SYNE1: variants seen among roughly 807,000 people sequenced by gnomAD.
The protein encoded by SYNE1 is nesprin-1.
Under a neutral mutation model 1,111.0 loss-of-function variants are expected in SYNE1, and 616 were observed. The observed-to-expected ratio is 0.55, with a 90% CI of 0.52 to 0.59. SYNE1 has a LOEUF of 0.59. Among genes scored for constraint, SYNE1 ranks in the 20% least tolerant of loss-of-function variants. The probability of loss-of-function intolerance (pLI) is 0.00; values close to 1 mark genes in which losing one functional copy is unlikely to be tolerated. For missense variants in SYNE1, 10,006 were observed against 10,417.0 expected, an observed-to-expected ratio of 0.96 and a Z score of 1.72; for synonymous variants, 3,855 against 3,825.8, an observed-to-expected ratio of 1.01 and a Z score of -0.28.
chr6:152,289,969 T>A (rs2094521751), intron 95 of SYNE1, among the ~76,000 whole-genome samples: 1 of 148,846 alleles, frequency 6.7e-6, no homozygotes, highest in Non-Finnish European at 1.5e-5. Flanking sequence ...CTGGTATTCC[T>A]GGGCAGTCTC....
intron 34 of SYNE1, among the ~76,000 whole-genome samples, chr6:152,433,228 C>T (rs987983492): frequency 3.3e-5 from 5 of 152,084 alleles, no homozygotes; most frequent in African/African-American, 1.2e-4. Flanking sequence ...AATGAAGTGG[C>T]CAATGATAGT....
intron 127 of SYNE1, among the ~76,000 whole-genome samples, chr6:152,195,887 C>A (rs1198799288): frequency 6.6e-6 from 1 of 152,202 alleles, no homozygotes; most frequent in Non-Finnish European, 1.5e-5. Flanking sequence ...ATGAGCTCCC[C>A]CTGGCCCCAG....
At chr6:152,533,743 T>G (rs2099217612) in intron 4 of SYNE1, among the ~76,000 whole-genome samples, 1 of 152,208 alleles carries the variant, frequency 6.6e-6, no homozygotes, top group South Asian at 2.1e-4. Flanking sequence ...GATATAAGCT[T>G]CATAATGAGA....
intron 11 of SYNE1, among the ~76,000 whole-genome samples, chr6:152,489,686 T>C (rs1455720098): frequency 1.3e-5 from 2 of 152,146 alleles, no homozygotes; most frequent in Admixed American, 6.5e-5. Context: ...ACATTTTCCC[T>C]TGGATAATGC....
chr6:152,340,142 G>C (rs61320348), intron 74 of SYNE1, among the ~76,000 whole-genome samples: 1,557 of 152,282 alleles, frequency 0.01, 26 homozygotes, highest in African/African-American at 0.033. Flanking sequence ...GCCACTTCAG[G>C]GACAGTGTAT....
chr6:152,159,069 A>G (rs1412182694), intron 131 of SYNE1, among the ~76,000 whole-genome samples: 1 of 152,200 alleles, frequency 6.6e-6, no homozygotes, highest in East Asian at 1.9e-4. Flanking sequence ...CTCCTGCCTC[A>G]GCCTCCTGAG....
chr6:152,600,317 CT>C (rs1054676356), intron 3 of SYNE1, among the ~76,000 whole-genome samples: 1 of 152,172 alleles, frequency 6.6e-6, no homozygotes, highest in Non-Finnish European at 1.5e-5. Context: ...CTTTTAGACA[CT>C]GGGGTATAAA....
chr6:152,419,546 T>TAA (rs34651734), intron 40 of SYNE1, 23 bp downstream of exon 40: 11,126 of 1,334,032 alleles, frequency 8.3e-3, no homozygotes, highest in East Asian at 0.023. Context: ...TCTTCAATCT[T>TAA]AAAAAAAAAA....
At chr6:152,377,831 G>A (rs370025165) in intron 56 of SYNE1, among the ~76,000 whole-genome samples, 7 of 151,272 alleles carry the variant, frequency 4.6e-5, no homozygotes, top group South Asian at 4.2e-4. Context: ...AATGTTTACC[G>A]TGTGCCAAGC....
At chr6:152,382,468 T>C (rs895250209) in intron 55 of SYNE1, among the ~76,000 whole-genome samples, 2 of 152,178 alleles carry the variant, frequency 1.3e-5, no homozygotes, top group East Asian at 1.9e-4. Context: ...TATCTGTTCA[T>C]AATTATATAC....
chr6:152,318,114 T>C lies in SYNE1; in HGVS notation c.16539A>G (p.Arg5513=), dbSNP rs1389093850. Reference sequence around the variant, plus strand: ...GCTTGGAGAGCCGATTCTCAGCTTGTCTAATGGTCTGCTGGTGAAGTTCAG... The same window carrying C: ...GCTTGGAGAGCCGATTCTCAGCTTGCCTAATGGTCTGCTGGTGAAGTTCAG... The part of the protein sequence containing the change: ...KLTELHQQTI[R]QAENRLSKLN... The change falls in exon 86 of 146, where the codon AGA becomes AGG. Residue 5513 remains arginine, a synonymous_variant. Transcript: ENST00000367255. The C allele has an allele frequency of 6.2e-7, 1 of 1,614,236 alleles. No homozygotes were observed. The highest frequency in any genetic ancestry group is 1.7e-5 in the Admixed American group (1 of 60,026).
At chr6:152,225,948 A>C in intron 115 of SYNE1, 72 bp from the exon 116 acceptor site, 2 of 1,497,534 alleles carry the variant, frequency 1.3e-6, no homozygotes, top group Non-Finnish European at 1.8e-6. Context: ...AAATTGGGCC[A>C]TTATAGTTTC....
chr6:152,468,643 C>G (rs2098785824), intron 16 of SYNE1, among the ~76,000 whole-genome samples: 1 of 152,076 alleles, frequency 6.6e-6, no homozygotes, highest in Non-Finnish European at 1.5e-5. Flanking sequence ...AGTATTCTTT[C>G]TTTTTTGCAG....
At chr6:152,352,674 G>A (rs2096762818) in intron 69 of SYNE1, among the ~76,000 whole-genome samples, 1 of 152,140 alleles carries the variant, frequency 6.6e-6, no homozygotes, top group African/African-American at 2.4e-5. Context: ...AAAGTGCTGG[G>A]ATTACAGGTG....
At chr6:152,155,263 C>G in intron 132 of SYNE1, 1 of 536,312 alleles carries the variant, frequency 1.9e-6, no homozygotes, top group Non-Finnish European at 3.3e-6. Flanking sequence ...CGTCCTGCAA[C>G]TCTGGATTTT....
intron 42 of SYNE1, 35 bp downstream of exon 42, chr6:152,413,317 A>C (rs1424559872): frequency 6.2e-7 from 1 of 1,612,006 alleles, no homozygotes; most frequent in East Asian, 2.2e-5. Context: ...ATAAGTGGGA[A>C]GCTAAAAACA....
Position 152,409,164 on chromosome 6 carries a change from T to G in SYNE1, c.6444A>C (p.Lys2148Asn), listed in dbSNP as rs763120952. 6 of 1,614,176 alleles carry G rather than the reference T, an allele frequency of 3.7e-6. No individual in the cohort carries two copies. The Admixed American group carries it at 1.0e-4, about 27-fold the overall frequency. ...TCAGCTCAGATAACAAGTGTTTTCC[T>G]TTGCTGGTAAAGTTATCCAAGTCTT... The part of the protein sequence containing the change: ...KQKDLDNFTS[K>N]GKHLLSELKK... Residue 2148 changes from lysine (K) to asparagine (N), a missense_variant, in exon 44 of 146, where the codon AAA (lysine) becomes AAC (asparagine). This residue lies in a region of SYNE1 where 4,955 missense variants were observed against 5,017.2 expected (regional missense o/e 0.99). Transcript: ENST00000367255.
chr6:152,605,414 C>T (rs956904526), intron 3 of SYNE1, among the ~76,000 whole-genome samples: 2 of 152,134 alleles, frequency 1.3e-5, no homozygotes, highest in African/African-American at 2.4e-5. Context: ...CTTCAAAATA[C>T]TGATTGTCCT....
At chr6:152,180,762 T>C (rs1396097182) in intron 128 of SYNE1, among the ~76,000 whole-genome samples, 1 of 151,852 alleles carries the variant, frequency 6.6e-6, no homozygotes, top group Admixed American at 6.6e-5. Flanking sequence ...GATGGAAGAA[T>C]GAGCCTCAGG....
Sources: allele counts gnomAD v4.1 joint callset (sites outside exome capture counted in the v4.1 genomes callset), GRCh38; gene constraint gnomAD v4.1.1; regional missense constraint gnomAD v4.1.1; transcripts MANE v1.5; gene names NCBI Gene and HGNC (gene_info 2026-07-23, HGNC 2026-07-21).